Variants in EEA1 observed in about 807,000 individuals in gnomAD.
EEA1 encodes the protein early endosome antigen 1, 162kD.
EEA1 carries 111 observed loss-of-function variants against 209.2 expected under a neutral mutation model. That is an observed-to-expected ratio of 0.53 (90% CI 0.45 to 0.62). The LOEUF (loss-of-function observed/expected upper bound fraction) is 0.62. EEA1 is among the 20% of genes least tolerant of loss of function. The pLI is 0.00. For missense variants in EEA1, 1,343 were observed against 1,530.8 expected, an observed-to-expected ratio of 0.88 and a Z score of 2.05; for synonymous variants, 536 against 540.6, an observed-to-expected ratio of 0.99 and a Z score of 0.12.
chr12:92,899,129 CAA>C (rs138666239), intron 1 of EEA1, among the ~76,000 whole-genome samples: 122,163 of 137,620 alleles, frequency 0.89, 54,015 homozygotes, highest in East Asian at 0.94. Context: ...TGGCCAAAGG[CAA>C]AAAAAAAAAA....
chr12:92,849,025 A>AT (rs911145252), intron 9 of EEA1, among the ~76,000 whole-genome samples: 2 of 151,690 alleles, frequency 1.3e-5, no homozygotes, highest in African/African-American at 2.4e-5. Context: ...CTCAGCCTGT[A>AT]TTTTTTTTAA....
At chr12:92,882,205 T>C (rs1484030376) in intron 2 of EEA1, among the ~76,000 whole-genome samples, 2 of 151,994 alleles carry the variant, frequency 1.3e-5, no homozygotes, top group Admixed American at 6.6e-5. Context: ...CCTCCTGAGT[T>C]CAAGTGATTC....
intron 10 of EEA1, among the ~76,000 whole-genome samples, chr12:92,837,560 A>G (rs1196901876): frequency 6.6e-6 from 1 of 152,220 alleles, no homozygotes; most frequent in Non-Finnish European, 1.5e-5. Context: ...TATTGTAGTG[A>G]CTGTAGATAA....
intron 7 of EEA1, 35 bp from the exon 8 acceptor site, chr12:92,852,331 G>A: frequency 6.9e-7 from 1 of 1,447,222 alleles, no homozygotes. Context: ...ATTAGTTTAA[G>A]GGGAGGACAG....
intron 18 of EEA1, among the ~76,000 whole-genome samples, chr12:92,805,657 T>G (rs1167908605): frequency 6.6e-6 from 1 of 152,194 alleles, no homozygotes; most frequent in African/African-American, 2.4e-5. Context: ...ATGTGTTCAT[T>G]GAAGATCTCA....
chr12:92,877,045 G>C (rs1480944309), intron 2 of EEA1, among the ~76,000 whole-genome samples: 1 of 149,460 alleles, frequency 6.7e-6, no homozygotes, highest in East Asian at 2.0e-4. Flanking sequence ...CCAGGCACAA[G>C]AAATTCTCGT....
intron 1 of EEA1, among the ~76,000 whole-genome samples, chr12:92,893,722 T>G (rs1313340434): frequency 6.6e-6 from 1 of 152,152 alleles, no homozygotes; most frequent in African/African-American, 2.4e-5. Flanking sequence ...GAATCTTCAT[T>G]TTTATTTTTT....
chr12:92,852,941 T>C lies in EEA1; in HGVS notation c.491A>G (p.Lys164Arg). 6.2e-7 allele frequency: 1 copy of C among 1,611,756 alleles called. No homozygotes were observed. Among genetic ancestry groups the C allele is most frequent in the Non-Finnish European group, 8.5e-7 (1 of 1,179,166 alleles). ...IKQMKDLFEQKAAQLATEIAD... is the reference protein window; with the variant it reads ...IKQMKDLFEQRAAQLATEIAD... ...AATTTCAGTAGCAAGTTGGGCTGCT[T>C]TCTGTTCAAATAAGTCTTTCATTTG... Residue 164 changes from lysine to arginine, a missense_variant, in exon 7 of 29, where the codon AAA becomes AGA. Lys to Arg is a conservative substitution (Grantham distance 26). Around this residue, in one of 3 missense-constraint regions of EEA1, gnomAD observed 1,307 missense variants for 1,465.5 expected, o/e 0.89. Coordinates refer to ENST00000322349, the MANE Select transcript of EEA1 (RefSeq NM_003566.4).
At position 92,789,296 on chromosome 12, in the gene EEA1, AAAAG is replaced by A. The variant is rs1350441772; in HGVS notation, c.2968-1251_2968-1248del. Among the ~76,000 whole-genome samples the A allele has an allele frequency of 7.3e-5, 11 of 151,440 alleles. No homozygotes were observed. In the South Asian group the frequency reaches 1.2e-3, roughly 17 times the overall value. ...CAGAGAGACGCCATCTCAAAAAAAA[AAAAG>A]AAAGAAAGAAAAGAAAAAGAGAAAG... On this transcript the variant is annotated intron_variant, in intron 21 of 28. Transcript: ENST00000322349.
chr12:92,849,567 G>T (rs982066168), intron 9 of EEA1, among the ~76,000 whole-genome samples: 1 of 152,112 alleles, frequency 6.6e-6, no homozygotes, highest in Non-Finnish European at 1.5e-5. Context: ...AGTGTTATTG[G>T]GCTACAAAGT....
At position 92,820,073 on chromosome 12, in the gene EEA1, AT is replaced by A. The variant is rs1303528442; in HGVS notation, c.1525-563del. On this transcript the variant is annotated intron_variant, in intron 13 of 28. Coordinates refer to ENST00000322349, the MANE Select transcript of EEA1 (RefSeq NM_003566.4). ...CACTAAATAATTTGCTTACATTGTC[AT>A]GCTTATCTGCCTCACTCCAACCACC... is the stretch of plus-strand genomic sequence containing the variant. Among the ~76,000 whole-genome samples, 15 of 152,268 alleles carry A rather than the reference AT, an allele frequency of 9.9e-5. No individual in the cohort carries two copies. In the East Asian group the frequency reaches 2.7e-3, roughly 27 times the overall value.
chr12:92,925,368 C>G (rs571849309), intron 1 of EEA1, among the ~76,000 whole-genome samples: 1 of 152,238 alleles, frequency 6.6e-6, no homozygotes, highest in South Asian at 2.1e-4. Context: ...GCGTGCACCA[C>G]GATGCCCGGC....
At chr12:92,888,419 T>C (rs1448704205) in intron 2 of EEA1, among the ~76,000 whole-genome samples, 2 of 151,522 alleles carry the variant, frequency 1.3e-5, no homozygotes, top group Non-Finnish European at 2.9e-5. Flanking sequence ...CTACTAAAAA[T>C]ACAAAAAATT....
rs1873926394 is a variant in EEA1, at chr12:92,781,999, T to A, written c.3287A>T (p.Gln1096Leu). ...TGCTTTACATCGCTCCTGCAATTGC[T>A]GTTCTTTCTTTGCTGAATCCTGCTC... The part of the protein sequence containing the change: ...TLEQDSAKKE[Q>L]QLQERCKALQ... Residue 1096 changes from glutamine (Q) to leucine (L), a missense_variant, in exon 23 of 29, where the codon CAG (glutamine) becomes CTG (leucine). Physicochemically the swap from Gln to Leu is moderately radical, Grantham distance 113. Transcript: ENST00000322349. 1 of 1,613,356 alleles carries A rather than the reference T, an allele frequency of 6.2e-7. No homozygotes were observed. The highest frequency in any genetic ancestry group is 1.3e-5 in the African/African-American group (1 of 74,916).
intron 21 of EEA1, among the ~76,000 whole-genome samples, chr12:92,791,175 A>G (rs1359596837): frequency 2.0e-5 from 3 of 152,264 alleles, no homozygotes; most frequent in Admixed American, 1.3e-4. Flanking sequence ...AAACAGGCCA[A>G]ATTGTAAAGA....
In EEA1 at chr12:92,832,868, CA is replaced by C; in HGVS notation, c.916-19del. On this transcript the variant is annotated intron_variant, in intron 10 of 28. Coordinates refer to ENST00000322349, the MANE Select transcript of EEA1 (RefSeq NM_003566.4). ...GTCAAGGTCTAAAATATCAATTTAACAATTTATTTCCTTTTCTAATATTTTT... is the reference window on the plus strand; with the variant it reads ...GTCAAGGTCTAAAATATCAATTTAACATTTATTTCCTTTTCTAATATTTTT... 1 of 1,542,406 alleles carries C rather than the reference CA, an allele frequency of 6.5e-7. No homozygotes were observed. The highest frequency in any genetic ancestry group is 8.8e-7 in the Non-Finnish European group (1 of 1,139,874).
chr12:92,789,343 A>C (rs1014123241), intron 21 of EEA1, among the ~76,000 whole-genome samples: 1 of 151,772 alleles, frequency 6.6e-6, no homozygotes, highest in Admixed American at 6.6e-5. Context: ...AAGAAAAAAA[A>C]CCCAGATCTC....
intron 1 of EEA1, among the ~76,000 whole-genome samples, chr12:92,897,658 A>G (rs974764840): frequency 6.6e-6 from 1 of 152,034 alleles, no homozygotes; most frequent in Admixed American, 6.6e-5. Context: ...TTTATTCAAA[A>G]CGCCAAGAAT....
At chr12:92,904,659 G>A (rs974610915) in intron 1 of EEA1, among the ~76,000 whole-genome samples, 1 of 152,048 alleles carries the variant, frequency 6.6e-6, no homozygotes, top group African/African-American at 2.4e-5. Context: ...CCCTCCTCAG[G>A]TTTGATAATT....
Sources: allele counts gnomAD v4.1 joint callset (sites outside exome capture counted in the v4.1 genomes callset), GRCh38; gene constraint gnomAD v4.1.1; regional missense constraint gnomAD v4.1.1; transcripts MANE v1.5; gene names NCBI Gene and HGNC (gene_info 2026-07-23, HGNC 2026-07-21).